GPC6: variants seen among roughly 807,000 people sequenced by gnomAD.
GPC6 encodes glypican 6.
In GPC6, 14 loss-of-function variants were observed where a neutral mutation model predicts 55.2. The observed-to-expected ratio is 0.25, with a 90% CI of 0.17 to 0.40. GPC6 has a LOEUF of 0.40. GPC6 is among the 10% of genes least tolerant of loss of function. GPC6 has a pLI of 1.00. For synonymous variants in GPC6, 278 were observed against 259.6 expected (o/e 1.07, Z -0.68); for missense variants, 641 against 708.5 (o/e 0.90, Z 1.08).
At chr13:94,028,350 T>G (rs944889857) in intron 4 of GPC6, among the ~76,000 whole-genome samples, 1 of 152,150 alleles carries the variant, frequency 6.6e-6, no homozygotes, top group Admixed American at 6.5e-5. Context: ...TATTTTACAT[T>G]TTCCTAATGT....
chr13:93,481,780 T>C (rs911088159), intron 1 of GPC6, among the ~76,000 whole-genome samples: 1 of 152,182 alleles, frequency 6.6e-6, no homozygotes, highest in Non-Finnish European at 1.5e-5. Flanking sequence ...TTATTGTCTG[T>C]TTATGCTCAT....
At chr13:93,734,865 T>C (rs969475821) in intron 2 of GPC6, among the ~76,000 whole-genome samples, 1 of 152,142 alleles carries the variant, frequency 6.6e-6, no homozygotes, top group Non-Finnish European at 1.5e-5. Context: ...TTAATAATGG[T>C]TTATAAACCA....
At chr13:93,434,179 C>T (rs59618720) in intron 1 of GPC6, among the ~76,000 whole-genome samples, 5,353 of 152,170 alleles carry the variant, frequency 0.035, 314 homozygotes, top group African/African-American at 0.12. Flanking sequence ...CCCATGCAAC[C>T]GTTCTCACAG....
intron 7 of GPC6, among the ~76,000 whole-genome samples, chr13:94,398,189 AT>A (rs925440258): frequency 6.6e-6 from 1 of 151,430 alleles, no homozygotes; most frequent in Non-Finnish European, 1.5e-5. Flanking sequence ...TAGGTCCCCA[AT>A]TTCGCATTTA....
intron 1 of GPC6, among the ~76,000 whole-genome samples, chr13:93,365,445 A>C (rs920556864): frequency 9.9e-5 from 15 of 152,096 alleles, no homozygotes; most frequent in Admixed American, 9.2e-4. Flanking sequence ...CCATAGTACC[A>C]ATCACTTTGC....
chr13:93,933,598 C>G (rs947990841), intron 3 of GPC6, among the ~76,000 whole-genome samples: 2 of 151,850 alleles, frequency 1.3e-5, no homozygotes, highest in African/African-American at 4.8e-5. Flanking sequence ...AATTAAAACC[C>G]TTAGAAGAAT....
At chr13:93,759,866 A>G (rs552551810) in intron 2 of GPC6, among the ~76,000 whole-genome samples, 1 of 152,002 alleles carries the variant, frequency 6.6e-6, no homozygotes, top group African/African-American at 2.4e-5. Flanking sequence ...TTCCTTGATC[A>G]TGGTTCCAGT....
intron 1 of GPC6, among the ~76,000 whole-genome samples, chr13:93,380,942 A>G (rs1050908974): frequency 2.0e-5 from 3 of 152,154 alleles, no homozygotes; most frequent in Admixed American, 1.3e-4. Context: ...AACTCCAGAT[A>G]GTTGCCTAAA....
intron 2 of GPC6, among the ~76,000 whole-genome samples, chr13:93,812,863 A>G (rs1886739392): frequency 6.6e-6 from 1 of 152,210 alleles, no homozygotes; most frequent in African/African-American, 2.4e-5. Flanking sequence ...TTTGCATTTT[A>G]GAGATGAGAA....
intron 1 of GPC6, among the ~76,000 whole-genome samples, chr13:93,243,533 C>G (rs1403916365): frequency 6.6e-6 from 1 of 152,216 alleles, no homozygotes; most frequent in African/African-American, 2.4e-5. Context: ...CCAGGCTGAC[C>G]TGTCCTCTCC....
intron 8 of GPC6, among the ~76,000 whole-genome samples, chr13:94,402,802 C>T (rs1281452657): frequency 6.6e-6 from 1 of 152,104 alleles, no homozygotes; most frequent in South Asian, 2.1e-4. Flanking sequence ...GGGGGAAGAG[C>T]CCCTTAAAAA....
At chr13:93,831,799 A>G (rs1421786870) in intron 3 of GPC6, among the ~76,000 whole-genome samples, 1 of 151,814 alleles carries the variant, frequency 6.6e-6, no homozygotes, top group Non-Finnish European at 1.5e-5. Flanking sequence ...AATGTTTAAA[A>G]TAATATCTTT....
At chr13:94,304,164 C>T (rs1365942814) in intron 5 of GPC6, among the ~76,000 whole-genome samples, 1 of 152,220 alleles carries the variant, frequency 6.6e-6, no homozygotes, top group East Asian at 1.9e-4. Flanking sequence ...CATCGGTTTA[C>T]ACCATCAGCT....
intron 1 of GPC6, among the ~76,000 whole-genome samples, chr13:93,244,163 A>G (rs377473879): frequency 9.1e-4 from 138 of 152,256 alleles, no homozygotes; most frequent in African/African-American, 3.3e-3. Context: ...TCGCTGCATA[A>G]AAGAGTCCAC....
intron 2 of GPC6, among the ~76,000 whole-genome samples, chr13:93,797,774 A>G (rs969262383): frequency 6.6e-6 from 1 of 152,210 alleles, no homozygotes; most frequent in Non-Finnish European, 1.5e-5. Flanking sequence ...GTGAGAGACC[A>G]TGAATTTAAA....
At chr13:93,413,183 A>C (rs141767013) in intron 1 of GPC6, among the ~76,000 whole-genome samples, 1 of 152,232 alleles carries the variant, frequency 6.6e-6, no homozygotes. Flanking sequence ...TTGTTCAGAC[A>C]GCAGTATGAG....
At chr13:93,584,459 C>T (rs1257449881) in intron 2 of GPC6, among the ~76,000 whole-genome samples, 1 of 152,042 alleles carries the variant, frequency 6.6e-6, no homozygotes, top group African/African-American at 2.4e-5. Context: ...TGTGCTACAT[C>T]AGCTCTTTGA....
intron 3 of GPC6, among the ~76,000 whole-genome samples, chr13:93,925,041 G>A (rs1006105321): frequency 4.6e-5 from 7 of 152,196 alleles, no homozygotes; most frequent in African/African-American, 1.7e-4. Context: ...TATTTAAAAG[G>A]TTATCATTTA....
chr13:93,322,752 TTTG>T (rs1374618944), intron 1 of GPC6, among the ~76,000 whole-genome samples: 6 of 152,060 alleles, frequency 3.9e-5, no homozygotes, highest in Admixed American at 3.9e-4. Context: ...AGTTAATTAT[TTTG>T]TTGTTCTTGT....
Sources: allele counts gnomAD v4.1 joint callset (sites outside exome capture counted in the v4.1 genomes callset), GRCh38; gene constraint gnomAD v4.1.1; transcripts MANE v1.5; gene names NCBI Gene and HGNC (gene_info 2026-07-23, HGNC 2026-07-21).